PCDH9: variants seen among roughly 807,000 people sequenced by gnomAD.
PCDH9 encodes the protein protocadherin-9.
Under a neutral mutation model 70.6 loss-of-function variants are expected in PCDH9, and 24 were observed. The ratio of observed to expected loss-of-function variants is 0.34; its 90% CI spans 0.25 to 0.48. PCDH9 has a LOEUF of 0.48. Among genes scored for constraint, PCDH9 ranks in the 20% least tolerant of loss-of-function variants. The probability of loss-of-function intolerance (pLI) is 0.99; values close to 1 mark genes in which losing one functional copy is unlikely to be tolerated. For missense variants in PCDH9, 1,281 were observed against 1,503.6 expected (o/e 0.85, Z 2.45); for synonymous variants, 562 against 558.5 (o/e 1.01, Z -0.09).
intron 2 of PCDH9, among the ~76,000 whole-genome samples, chr13:67,079,189 G>A (rs886723238): frequency 7.3e-5 from 11 of 151,678 alleles, no homozygotes; most frequent in African/African-American, 2.7e-4. Context: ...AGAATAACGA[G>A]ACATGGAATG....
intron 2 of PCDH9, among the ~76,000 whole-genome samples, chr13:67,032,581 T>C (rs2084929692): frequency 1.3e-5 from 2 of 152,180 alleles, no homozygotes; most frequent in Non-Finnish European, 2.9e-5. Flanking sequence ...GTTACCTCCC[T>C]TGTTCTAAGG....
chr13:66,998,910 T>TA lies in PCDH9; in HGVS notation c.3037-95306dup, dbSNP rs549206709. 3.3e-5 allele frequency among the ~76,000 whole-genome samples: 5 copies of TA among 152,268 alleles called. No individual in the cohort carries two copies. In the East Asian group the frequency reaches 9.6e-4, roughly 29 times the overall value. On this transcript the variant is annotated intron_variant, in intron 2 of 4. Coordinates refer to ENST00000377865, the MANE Select transcript of PCDH9 (RefSeq NM_203487.3). Reference sequence around the variant, plus strand: ...AAATGTCATATTATTAAGGCTCAATTAAAAAAATTAAATAAAGAGCAACAA... The same window carrying TA: ...AAATGTCATATTATTAAGGCTCAATTAAAAAAAATTAAATAAAGAGCAACAA...
chr13:66,376,126 T>C (rs931584608), intron 4 of PCDH9, among the ~76,000 whole-genome samples: 4 of 152,116 alleles, frequency 2.6e-5, no homozygotes, highest in Non-Finnish European at 5.9e-5. Flanking sequence ...CTACCAAAAA[T>C]AGAAGGAATT....
At chr13:66,960,769 A>C (rs2083333237) in intron 2 of PCDH9, among the ~76,000 whole-genome samples, 1 of 152,210 alleles carries the variant, frequency 6.6e-6, no homozygotes, top group Admixed American at 6.5e-5. Context: ...GAAGAGGTAC[A>C]GAATCACTAA....
intron 2 of PCDH9, among the ~76,000 whole-genome samples, chr13:67,097,761 C>T (rs1443025420): frequency 6.6e-6 from 1 of 152,014 alleles, no homozygotes; most frequent in Non-Finnish European, 1.5e-5. Flanking sequence ...TATAAAAAAA[C>T]TACATACCTC....
chr13:66,387,549 A>AT (rs1956950446), intron 4 of PCDH9, among the ~76,000 whole-genome samples: 1 of 151,108 alleles, frequency 6.6e-6, no homozygotes, highest in African/African-American at 2.4e-5. Context: ...GTGGTAAAAA[A>AT]AAAAAAAAAA....
intron 2 of PCDH9, among the ~76,000 whole-genome samples, chr13:67,118,000 A>G (rs2086810114): frequency 6.6e-6 from 1 of 152,172 alleles, no homozygotes; most frequent in Admixed American, 6.5e-5. Flanking sequence ...CTCCATAAAT[A>G]AAAAATGACT....
intron 3 of PCDH9, among the ~76,000 whole-genome samples, chr13:66,867,318 G>C (rs1418540500): frequency 6.6e-6 from 1 of 152,118 alleles, no homozygotes; most frequent in Non-Finnish European, 1.5e-5. Flanking sequence ...TGCAGAAACA[G>C]GGAACAATTT....
At chr13:66,713,823 T>C (rs2078832562) in intron 3 of PCDH9, among the ~76,000 whole-genome samples, 1 of 151,816 alleles carries the variant, frequency 6.6e-6, no homozygotes, top group African/African-American at 2.4e-5. Flanking sequence ...TAAACATCTT[T>C]AAGTCTATTA....
intron 3 of PCDH9, among the ~76,000 whole-genome samples, chr13:66,788,285 T>G (rs1355959304): frequency 1.3e-5 from 2 of 152,120 alleles, no homozygotes; most frequent in Non-Finnish European, 2.9e-5. Context: ...CCTCATCAAC[T>G]AAATCCCTCT....
intron 3 of PCDH9, chr13:66,858,886 T>C (rs2081437277): frequency 6.6e-6 from 1 of 152,182 alleles, no homozygotes; most frequent in Non-Finnish European, 1.5e-5. Context: ...AACAGACACT[T>C]AATGCCTCAT....
intron 3 of PCDH9, among the ~76,000 whole-genome samples, chr13:66,786,197 T>G (rs2080077226): frequency 6.6e-6 from 1 of 152,154 alleles, no homozygotes; most frequent in Admixed American, 6.6e-5. Context: ...AACCTTGGTA[T>G]TATTTGAGCT....
At chr13:66,788,651 T>A (rs1267395838) in intron 3 of PCDH9, among the ~76,000 whole-genome samples, 2 of 58,678 alleles carry the variant, frequency 3.4e-5, no homozygotes, top group Admixed American at 2.2e-4. Flanking sequence ...AACAGTAATT[T>A]TTTTTTTTTT....
chr13:66,747,134 G>A (rs9540891), intron 3 of PCDH9, among the ~76,000 whole-genome samples: 6 of 152,076 alleles, frequency 3.9e-5, no homozygotes, highest in African/African-American at 9.7e-5. Flanking sequence ...GGTGGATCAC[G>A]AGGTCAGGAG....
Position 66,626,240 on chromosome 13 carries a change from G to A in PCDH9, c.3340+4970C>T, listed in dbSNP as rs117471624. Reference sequence around the variant, plus strand: ...GGAATATAAAGAGGATAGATTCTGTGCCATGTTTGTTGAGCAGAACTCAGA... The same window carrying A: ...GGAATATAAAGAGGATAGATTCTGTACCATGTTTGTTGAGCAGAACTCAGA... On this transcript the variant is annotated intron_variant, in intron 4 of 4. Transcript: ENST00000377865. Among the ~76,000 whole-genome samples, 636 of 152,254 alleles carry A rather than the reference G, an allele frequency of 4.2e-3. 18 individuals are homozygous for A. In the East Asian group the frequency reaches 0.081, roughly 19 times the overall value.
At chr13:66,813,238 T>C (rs2080541185) in intron 3 of PCDH9, among the ~76,000 whole-genome samples, 1 of 152,252 alleles carries the variant, frequency 6.6e-6, no homozygotes, top group South Asian at 2.1e-4. Context: ...ATTATAACTC[T>C]CAGAATTCCT....
intron 2 of PCDH9, among the ~76,000 whole-genome samples, chr13:67,077,877 C>T (rs567030959): frequency 6.6e-6 from 1 of 152,030 alleles, no homozygotes; most frequent in Non-Finnish European, 1.5e-5. Flanking sequence ...ACATGTATAT[C>T]GATTTAGATA....
intron 2 of PCDH9, among the ~76,000 whole-genome samples, chr13:66,973,307 G>A (rs1235627976): frequency 6.6e-6 from 1 of 151,866 alleles, no homozygotes; most frequent in East Asian, 1.9e-4. Context: ...GAAATCTAAA[G>A]GTTCACTTTT....
At chr13:66,934,818 T>G (rs921789099) in intron 2 of PCDH9, among the ~76,000 whole-genome samples, 1 of 129,556 alleles carries the variant, frequency 7.7e-6, no homozygotes, top group Non-Finnish European at 1.6e-5. Context: ...CCTCCCGGGT[T>G]CACGCCATTC....
Sources: gnomAD v4.1 joint callset for allele counts (sites outside exome capture counted in the v4.1 genomes callset) on GRCh38, gnomAD v4.1.1 for gene constraint, MANE v1.5 for transcripts, NCBI Gene and HGNC (gene_info 2026-07-23, HGNC 2026-07-21) for gene names.